LSAMP: variants seen among roughly 807,000 people sequenced by gnomAD.
LSAMP encodes limbic system-associated membrane protein.
LSAMP carries 7 observed loss-of-function variants against 38.6 expected under a neutral mutation model. The ratio of observed to expected loss-of-function variants is 0.18; its 90% CI spans 0.10 to 0.34. The LOEUF (loss-of-function observed/expected upper bound fraction) is 0.34. LSAMP is among the 10% of genes least tolerant of loss of function. LSAMP has a pLI of 1.00. For synonymous variants in LSAMP, 154 were observed against 166.8 expected, an observed-to-expected ratio of 0.92 and a Z score of 0.59; for missense variants, 313 against 420.0, an observed-to-expected ratio of 0.75 and a Z score of 2.23.
chr3:116,328,758 C>T (rs1418356724), intron 1 of LSAMP, among the ~76,000 whole-genome samples: 1 of 152,052 alleles, frequency 6.6e-6, no homozygotes, highest in African/African-American at 2.4e-5. Flanking sequence ...ATTACCAATG[C>T]TCTAGAGGAA....
intron 1 of LSAMP, among the ~76,000 whole-genome samples, chr3:116,369,296 T>C (rs962948853): frequency 6.6e-6 from 1 of 152,192 alleles, no homozygotes; most frequent in Non-Finnish European, 1.5e-5. Context: ...AGGCTGAATG[T>C]GATACACATT....
intron 1 of LSAMP, among the ~76,000 whole-genome samples, chr3:116,192,900 T>C (rs547768718): frequency 1.3e-5 from 2 of 152,160 alleles, no homozygotes; most frequent in Non-Finnish European, 2.9e-5. Context: ...TTCCTCTACC[T>C]GGTAAATGTA....
At chr3:116,237,172 C>G (rs2046474923) in intron 1 of LSAMP, among the ~76,000 whole-genome samples, 1 of 152,070 alleles carries the variant, frequency 6.6e-6, no homozygotes. Flanking sequence ...ACTTTCTACT[C>G]TCTACAGTCT....
At chr3:115,884,226 A>G (rs1039392073) in intron 3 of LSAMP, among the ~76,000 whole-genome samples, 3 of 152,104 alleles carry the variant, frequency 2.0e-5, no homozygotes, top group South Asian at 2.1e-4. Context: ...TTCATAATAC[A>G]TAAAGAGAAT....
chr3:115,995,438 T>A (rs1939788374), intron 3 of LSAMP, among the ~76,000 whole-genome samples: 1 of 152,122 alleles, frequency 6.6e-6, no homozygotes, highest in Admixed American at 6.6e-5. Flanking sequence ...ACTCAGGGAA[T>A]ATTTGTTGAT....
At chr3:115,924,009 C>G (rs1937442788) in intron 3 of LSAMP, among the ~76,000 whole-genome samples, 1 of 152,012 alleles carries the variant, frequency 6.6e-6, no homozygotes, top group African/African-American at 2.4e-5. Context: ...CTAGCAAGGC[C>G]ATCAGTATAA....
At chr3:116,329,434 C>T (rs2047819700) in intron 1 of LSAMP, among the ~76,000 whole-genome samples, 1 of 152,118 alleles carries the variant, frequency 6.6e-6, no homozygotes, top group South Asian at 2.1e-4. Context: ...AAGTAGTTCT[C>T]CTTTTTAAGA....
intron 1 of LSAMP, among the ~76,000 whole-genome samples, chr3:116,254,808 C>T (rs2046729699): frequency 6.6e-6 from 1 of 152,174 alleles, no homozygotes; most frequent in Non-Finnish European, 1.5e-5. Flanking sequence ...TATTTTTCCA[C>T]AAACCTCCCT....
At chr3:116,183,339 G>T (rs1475164498) in intron 1 of LSAMP, among the ~76,000 whole-genome samples, 1 of 151,862 alleles carries the variant, frequency 6.6e-6, no homozygotes, top group East Asian at 1.9e-4. Flanking sequence ...GGAAGGCACA[G>T]CATAAAGTGT....
At chr3:116,291,777 C>T (rs2047270679) in intron 1 of LSAMP, among the ~76,000 whole-genome samples, 3 of 152,104 alleles carry the variant, frequency 2.0e-5, no homozygotes, top group African/African-American at 4.8e-5. Context: ...TTGGCAGTGA[C>T]CCCCATTTGT....
At chr3:115,954,306 G>A (rs1159892223) in intron 3 of LSAMP, among the ~76,000 whole-genome samples, 1 of 152,114 alleles carries the variant, frequency 6.6e-6, no homozygotes, top group Non-Finnish European at 1.5e-5. Flanking sequence ...TTTGCTGAAG[G>A]ACAGGCCCTA....
chr3:115,995,906 A>T (rs1035853415), intron 3 of LSAMP, among the ~76,000 whole-genome samples: 4 of 152,072 alleles, frequency 2.6e-5, no homozygotes, highest in Admixed American at 6.6e-5. Flanking sequence ...ATGTGAATAA[A>T]CATTAGAGAA....
chr3:116,260,657 A>G (rs73141002), intron 1 of LSAMP, among the ~76,000 whole-genome samples: 29,703 of 152,036 alleles, frequency 0.2, 3,117 homozygotes, highest in Admixed American at 0.23. Context: ...AGGGAGAGCT[A>G]GGATAGGACT....
At chr3:116,199,876 TAAGGA>T (rs2045966484) in intron 1 of LSAMP, among the ~76,000 whole-genome samples, 2 of 151,838 alleles carry the variant, frequency 1.3e-5, no homozygotes. Flanking sequence ...TTTAGAAAAA[TAAGGA>T]AAGGTGAATC....
intron 1 of LSAMP, among the ~76,000 whole-genome samples, chr3:116,194,065 T>G (rs1276254461): frequency 2.0e-5 from 3 of 152,228 alleles, no homozygotes; most frequent in Non-Finnish European, 2.9e-5. Flanking sequence ...GTTAACGCAA[T>G]CCGACTCCTA....
intron 3 of LSAMP, among the ~76,000 whole-genome samples, chr3:115,967,754 C>T (rs1938867930): frequency 6.6e-6 from 1 of 151,056 alleles, no homozygotes; most frequent in Non-Finnish European, 1.5e-5. Flanking sequence ...TGTAGGGAAA[C>T]TCCCATTTTT....
At chr3:116,139,046 A>G (rs1709315702) in intron 1 of LSAMP, among the ~76,000 whole-genome samples, 2 of 151,830 alleles carry the variant, frequency 1.3e-5, no homozygotes, top group Non-Finnish European at 2.9e-5. Context: ...ACATATGTAT[A>G]TAATGTGTAT....
chr3:116,195,564 T>C (rs147899780), intron 1 of LSAMP, among the ~76,000 whole-genome samples: 55 of 152,276 alleles, frequency 3.6e-4, no homozygotes, highest in African/African-American at 1.3e-3. Flanking sequence ...CAACTAATAT[T>C]GTCTAAACTA....
At chr3:116,035,268 T>C (rs1941022532) in intron 2 of LSAMP, among the ~76,000 whole-genome samples, 1 of 152,194 alleles carries the variant, frequency 6.6e-6, no homozygotes, top group Non-Finnish European at 1.5e-5. Context: ...CTGCTATTTG[T>C]GAAACATGAC....
Sources: allele counts gnomAD v4.1 joint callset (sites outside exome capture counted in the v4.1 genomes callset), GRCh38; gene constraint gnomAD v4.1.1; transcripts MANE v1.5; gene names NCBI Gene and HGNC (gene_info 2026-07-23, HGNC 2026-07-21).